The following SLC43A1 variants were observed in gnomAD, a reference collection of about 807,000 sequenced individuals.
SLC43A1 encodes the protein solute carrier family 43 member 1.
A neutral mutation model predicts 59.5 loss-of-function variants in SLC43A1; 31 were observed. That is an observed-to-expected ratio of 0.52 (90% CI 0.39 to 0.70). SLC43A1 has a LOEUF of 0.70. Ranked by LOEUF, SLC43A1 falls within the 30% of genes least tolerant of loss-of-function variation. The probability of loss-of-function intolerance (pLI) is 0.00; values close to 1 mark genes in which losing one functional copy is unlikely to be tolerated. For synonymous variants in SLC43A1, 259 were observed against 290.9 expected, an observed-to-expected ratio of 0.89 and a Z score of 1.12; for missense variants, 598 against 717.8, an observed-to-expected ratio of 0.83 and a Z score of 1.91.
chr11:57,497,905 C>T (rs760415134), intron 5 of SLC43A1, 60 bp from the exon 6 acceptor site: 45 of 1,307,518 alleles, frequency 3.4e-5, no homozygotes, highest in Non-Finnish European at 4.8e-5. Flanking sequence ...CCAGCATTCC[C>T]AGCCCTGCTC....
At chr11:57,497,561 A>C (rs577992163) in intron 6 of SLC43A1, among the ~76,000 whole-genome samples, 192 bp downstream of exon 6, 1 of 152,372 alleles carries the variant, frequency 6.6e-6, no homozygotes, top group African/African-American at 2.4e-5. Context: ...ACAGAGAAAA[A>C]GAATCAGAGG....
At chr11:57,492,559 TATATATATATATATAA>T (rs539857766) in intron 8 of SLC43A1, among the ~76,000 whole-genome samples, 10,774 of 77,296 alleles carry the variant, frequency 0.14, 776 homozygotes, top group East Asian at 0.3. Context: ...TATATATATA[TATATATATATATATAA>T]AAAAATAAGC....
At chr11:57,504,184 A>G (rs936144425) in intron 2 of SLC43A1, among the ~76,000 whole-genome samples, 5 of 152,156 alleles carry the variant, frequency 3.3e-5, no homozygotes, top group East Asian at 1.9e-4. Flanking sequence ...GTGACAGAGC[A>G]AGACTCCGTC....
chr11:57,498,158 T>A (rs1299388719), intron 5 of SLC43A1, among the ~76,000 whole-genome samples: 1 of 152,150 alleles, frequency 6.6e-6, no homozygotes. Flanking sequence ...ACACTGATCT[T>A]GGCTGGGCGC....
At position 57,485,002 on chromosome 11, in the gene SLC43A1, T is replaced by C; in HGVS notation, c.*94A>G. 2 of 1,337,538 alleles carry C rather than the reference T, an allele frequency of 1.5e-6. No individual in the cohort carries two copies. Among genetic ancestry groups the C allele is most frequent in the Non-Finnish European group, 2.0e-6 (2 of 986,366 alleles). The allele number at this position is 1,337,538 out of a possible 1,614,324, so 82.9% of individuals were successfully genotyped here. A position where few individuals can be genotyped will look rare whatever the true frequency, so the allele number is the denominator to read the frequency against. ...TTATAAATCTACGGCCATGGCTCTA[T>C]GTGCATGTTACAGGTAGAAAAGCCA... On this transcript the variant is annotated 3_prime_UTR_variant, in exon 15 of 15. Coordinates refer to ENST00000278426, the MANE Select transcript of SLC43A1 (RefSeq NM_003627.6).
At chr11:57,506,613 G>A (rs767979803) in intron 2 of SLC43A1, among the ~76,000 whole-genome samples, 1 of 152,160 alleles carries the variant, frequency 6.6e-6, no homozygotes, top group Non-Finnish European at 1.5e-5. Flanking sequence ...GGAGAGCCCT[G>A]GGCCACTGAA....
chr11:57,489,889 G>A (rs978995984), intron 11 of SLC43A1, among the ~76,000 whole-genome samples: 2 of 152,190 alleles, frequency 1.3e-5, no homozygotes, highest in African/African-American at 2.4e-5. Context: ...TCCTCTCTCC[G>A]GCACAATCAA....
intron 2 of SLC43A1, among the ~76,000 whole-genome samples, chr11:57,505,476 C>T (rs1017875815): frequency 6.6e-6 from 1 of 152,114 alleles, no homozygotes; most frequent in East Asian, 1.9e-4. Flanking sequence ...CACACCACTG[C>T]ACTCCAGCCT....
chr11:57,503,187 AGT>A (rs1021146886), intron 2 of SLC43A1, among the ~76,000 whole-genome samples: 13 of 152,118 alleles, frequency 8.5e-5, no homozygotes, highest in African/African-American at 3.1e-4. Flanking sequence ...AGGTGGGGAA[AGT>A]GCTCAGACAC....
intron 8 of SLC43A1, 107 bp from the exon 9 acceptor site, chr11:57,491,969 GGA>G (rs1943919266): frequency 9.3e-7 from 1 of 1,077,412 alleles, no homozygotes; most frequent in Non-Finnish European, 1.3e-6. Context: ...ATGTGACTTT[GGA>G]GAGAGACTGG....
chr11:57,487,031 A>G (rs545541038), intron 14 of SLC43A1, 64 bp downstream of exon 14: 42 of 1,567,578 alleles, frequency 2.7e-5, no homozygotes, highest in Non-Finnish European at 3.2e-5. Flanking sequence ...CACCACATAC[A>G]AGGCCCTACC....
At chr11:57,489,162 C>G in intron 12 of SLC43A1, 89 bp downstream of exon 12, 1 of 1,524,042 alleles carries the variant, frequency 6.6e-7, no homozygotes, top group Non-Finnish European at 9.1e-7. Flanking sequence ...AAGACCAGAA[C>G]TGCGCTTCCT....
rs539059088 is a variant in SLC43A1 at position 57,484,842 on chromosome 11, C to G, written c.*254G>C. 2.5e-6 allele frequency: 1 copy of G among 396,802 alleles called. No homozygotes were observed. The highest frequency in any genetic ancestry group is 4.8e-5 in the East Asian group (1 of 20,910). The allele number at this position is 396,802 out of a possible 1,614,324, so 24.6% of individuals were successfully genotyped here. A position where few individuals can be genotyped will look rare whatever the true frequency, so the allele number is the denominator to read the frequency against. ...AGAGGCACCCTGGTCTCCTCCAACC[C>G]AAGGAGGAAGAAGGCTCAACCCCTC... On this transcript the variant is annotated 3_prime_UTR_variant, in exon 15 of 15. Transcript: ENST00000278426.
At position 57,494,138 on chromosome 11, in the gene SLC43A1, G is replaced by T; in HGVS notation, c.726C>A (p.Asp242Glu). ...AGAAGAGGTCACCTGTCACCTTGTG[G>T]TCCAGGGCCAGCCCACTCAGCTTGA... ...KKIKLSGLALDHKVTGDLFYT... is the reference protein window; with the variant it reads ...KKIKLSGLALEHKVTGDLFYT... Residue 242 changes from aspartate to glutamate, a missense_variant, in exon 8 of 15, where the codon GAC becomes GAA. Transcript: ENST00000278426. 1 of 1,610,464 alleles carries T rather than the reference G, an allele frequency of 6.2e-7. No individual in the cohort carries two copies. Among genetic ancestry groups the T allele is most frequent in the Non-Finnish European group, 8.5e-7 (1 of 1,178,546 alleles).
At position 57,515,350 on chromosome 11, in the gene SLC43A1, C is replaced by A. The variant is rs12277281; in HGVS notation, c.-14+94G>T. On this transcript the variant is annotated intron_variant, in intron 1 of 14. Coordinates refer to ENST00000278426, the MANE Select transcript of SLC43A1 (RefSeq NM_003627.6). The surrounding 1 kb of genome is among the most constrained non-coding windows in gnomAD (Gnocchi z 5.3). The stretch of plus-strand genomic sequence containing the variant: ...CAAGTAACGGTCTTTCCTTGGGAAG[C>A]CTGGCAGTGTCGGCGGGAGCCGGCC... 57,882 of 152,244 alleles carry A rather than the reference C, an allele frequency of 0.38. 11,780 individuals are homozygous for A. The highest frequency in any genetic ancestry group is 0.53 in the African/African-American group (21,931 of 41,520). 9.4% of individuals were successfully genotyped at this position (152,244 alleles called of 1,614,324 possible).
chr11:57,502,535 G>A (rs1944292578), intron 2 of SLC43A1, among the ~76,000 whole-genome samples: 2 of 152,140 alleles, frequency 1.3e-5, no homozygotes. Flanking sequence ...CACACTACAT[G>A]AGACAGGAAG....
Position 57,496,962 on chromosome 11 carries a change from C to A in SLC43A1, c.558+791G>T, listed in dbSNP as rs987113978. ...AGGACAGAGCTTCAAAGGGCCACACCCCCAAATGTGTGGAGGTAAGATCTG... is the reference window on the plus strand; with the variant it reads ...AGGACAGAGCTTCAAAGGGCCACACACCCAAATGTGTGGAGGTAAGATCTG... On this transcript the variant is annotated intron_variant, in intron 6 of 14. Coordinates refer to ENST00000278426, the MANE Select transcript of SLC43A1 (RefSeq NM_003627.6). Among the ~76,000 whole-genome samples the A allele has an allele frequency of 2.0e-5, 3 of 152,110 alleles. No individual in the cohort carries two copies. The South Asian group carries it at 6.2e-4, about 32-fold the overall frequency.
rs150878272 is a variant in SLC43A1 at position 57,496,000 on chromosome 11, G to A, written c.692+31C>T. 8.5e-4 allele frequency: 1,365 copies of A among 1,611,644 alleles called. 11 individuals are homozygous for A. The African/African-American group carries it at 0.016, about 19-fold the overall frequency. On this transcript the variant is annotated intron_variant, in intron 7 of 14. Coordinates refer to ENST00000278426, the MANE Select transcript of SLC43A1 (RefSeq NM_003627.6). Reference sequence around the variant, plus strand: ...TATCACCACAGCCCTCTCTGCCCCAGGGAGAGTCTCTGCCCACTCCAGCCA... The same window carrying A: ...TATCACCACAGCCCTCTCTGCCCCAAGGAGAGTCTCTGCCCACTCCAGCCA...
At chr11:57,504,122 G>A (rs1488553790) in intron 2 of SLC43A1, among the ~76,000 whole-genome samples, 16 of 152,132 alleles carry the variant, frequency 1.1e-4, no homozygotes, top group South Asian at 6.2e-4. Flanking sequence ...GCGTGAACCC[G>A]GGAGGCGGAG....
Sources: gnomAD v4.1 joint callset for allele counts (sites outside exome capture counted in the v4.1 genomes callset) on GRCh38, gnomAD v4.1.1 for gene constraint, Gnocchi (gnomAD v3.1) non-coding constraint, MANE v1.5 for transcripts, NCBI Gene and HGNC (gene_info 2026-07-23, HGNC 2026-07-21) for gene names.